The following ATPAF1 variants were observed in gnomAD, a reference collection of about 807,000 sequenced individuals.
The protein encoded by ATPAF1 is homolog of yeast ATP11.
In ATPAF1, 26 loss-of-function variants were observed where a neutral mutation model predicts 43.9. The observed-to-expected ratio is 0.59, with a 90% CI of 0.43 to 0.82. The LOEUF (loss-of-function observed/expected upper bound fraction) is 0.82, where lower values mean the gene tolerates loss of function less well. Among genes scored for constraint, ATPAF1 ranks in the 40% least tolerant of loss-of-function variants. The probability of loss-of-function intolerance (pLI) is 0.00; values close to 1 mark genes in which losing one functional copy is unlikely to be tolerated. For synonymous variants in ATPAF1, 157 were observed against 168.0 expected (o/e 0.93, Z 0.50); for missense variants, 366 against 435.0 (o/e 0.84, Z 1.41).
intron 8 of ATPAF1, among the ~76,000 whole-genome samples, chr1:46,641,478 C>G (rs192808282): frequency 2.0e-5 from 3 of 152,194 alleles, no homozygotes; most frequent in Admixed American, 6.5e-5. Context: ...GCTAATACCC[C>G]ATTCTCTCCT....
Position 46,668,052 on chromosome 1 carries a change from C to A in ATPAF1, c.266+5G>T. 1 of 1,399,322 alleles carries A rather than the reference C, an allele frequency of 7.1e-7. No individual in the cohort carries two copies. The allele number at this position is 1,399,322 out of a possible 1,614,324, so 86.7% of individuals were successfully genotyped here. On this transcript the variant is annotated splice_donor_5th_base_variant and intron_variant, in intron 1 of 8. Coordinates refer to ENST00000574428, the Ensembl canonical transcript of ATPAF1. This position sits in a 1 kb window ranked among gnomAD's most constrained non-coding sequence, Gnocchi z 4.4. ...TGCCCGCCTCCAGCCAACCCAGGCC[C>A]GCACCTGCGCAGCAGCTGGATCTTG...
At chr1:46,665,526 GA>G in intron 1 of ATPAF1, 162 bp from the exon 2 acceptor site, 1 of 1,213,562 alleles carries the variant, frequency 8.2e-7, no homozygotes, top group South Asian at 1.4e-5. Context: ...TAGAAATAAA[GA>G]AACTGGAAAA....
intron 2 of ATPAF1, among the ~76,000 whole-genome samples, chr1:46,663,170 T>C (rs1676425940): frequency 6.6e-6 from 1 of 152,248 alleles, no homozygotes; most frequent in African/African-American, 2.4e-5. Flanking sequence ...ATTTTCTTGA[T>C]TCAGTCTATC....
intron 1 of ATPAF1, chr1:46,665,832 T>C: frequency 1.4e-6 from 2 of 1,429,512 alleles, no homozygotes; most frequent in South Asian, 1.5e-5. Flanking sequence ...TTAGGTAGCC[T>C]ATTTTGCAGA....
chr1:46,635,712 G>A, exon 9 of ATPAF1: 2 of 1,470,102 alleles, frequency 1.4e-6, no homozygotes, highest in Non-Finnish European at 1.8e-6. Flanking sequence ...AGTTCCTGAG[G>A]AGGGGGTGGG....
chr1:46,637,517 C>T lies in ATPAF1; in HGVS notation c.793-1547G>A, dbSNP rs567178369. ...GTTCTAGTCGGTCAGAGGTACTTGT[C>T]CATTATCACCATGTTCATATAGCCA... is the stretch of plus-strand genomic sequence containing the variant. On this transcript the variant is annotated intron_variant, in intron 8 of 8. Transcript: ENST00000574428. Among the ~76,000 whole-genome samples, 3 of 152,290 alleles carry T rather than the reference C, an allele frequency of 2.0e-5. No individual in the cohort carries two copies. In the South Asian group the frequency reaches 6.2e-4, roughly 32 times the overall value.
In ATPAF1 at chr1:46,661,195, C is replaced by T. The variant is rs537833899; in HGVS notation, c.376-2458G>A. ...TCAAGCAATTCTCCTGCCTCAGCCT[C>T]CTGAGTAGCTGGGATTACAGGCATG... On this transcript the variant is annotated intron_variant, in intron 2 of 8. Transcript: ENST00000574428. Among the ~76,000 whole-genome samples, 16 of 152,134 alleles carry T rather than the reference C, an allele frequency of 1.1e-4. No individual in the cohort carries two copies. In the South Asian group the frequency reaches 3.3e-3, roughly 32 times the overall value.
intron 1 of ATPAF1, among the ~76,000 whole-genome samples, chr1:46,667,390 C>T (rs1173055152): frequency 6.6e-6 from 1 of 152,210 alleles, no homozygotes; most frequent in African/African-American, 2.4e-5. Flanking sequence ...TCTTCAGATG[C>T]TCCTATAGCC....
Position 46,658,685 on chromosome 1 carries a change from A to G in ATPAF1, c.426+2T>C, listed in dbSNP as rs1676325949. 1 of 1,597,062 alleles carries G rather than the reference A, an allele frequency of 6.3e-7. No individual in the cohort carries two copies. Among genetic ancestry groups the G allele is most frequent in the Non-Finnish European group, 8.5e-7 (1 of 1,171,960 alleles). ...TTTTCCTATATTTAATTAGAAACCT[A>G]CCTTGTCCTTAGTGAATCCTCTGTT... On this transcript the variant is annotated splice_donor_variant, in intron 3 of 8. Coordinates refer to ENST00000574428, the Ensembl canonical transcript of ATPAF1. LOFTEE classifies it high-confidence loss of function.
chr1:46,637,759 C>T (rs1675869302), intron 8 of ATPAF1, among the ~76,000 whole-genome samples: 1 of 152,178 alleles, frequency 6.6e-6, no homozygotes, highest in African/African-American at 2.4e-5. Flanking sequence ...AAAAAGCTGG[C>T]TACTTCAAAT....
intron 8 of ATPAF1, among the ~76,000 whole-genome samples, 175 bp downstream of exon 8, chr1:46,643,019 A>G (rs552479125): frequency 9.9e-5 from 15 of 152,260 alleles, no homozygotes; most frequent in Non-Finnish European, 1.5e-4. Flanking sequence ...GAGGATCTGT[A>G]CTAACTTCAA....
At chr1:46,649,788 TG>T (rs1461165919) in intron 6 of ATPAF1, among the ~76,000 whole-genome samples, 7 of 151,878 alleles carry the variant, frequency 4.6e-5, no homozygotes, top group Non-Finnish European at 1.0e-4. Flanking sequence ...TAGCTGAGCA[TG>T]GGGGTGCATG....
intron 4 of ATPAF1, among the ~76,000 whole-genome samples, chr1:46,654,232 C>T (rs1339415596): frequency 6.6e-6 from 1 of 152,092 alleles, no homozygotes; most frequent in Non-Finnish European, 1.5e-5. Context: ...AGAGTCAGGA[C>T]TAGAGCTCAG....
At chr1:46,646,019 T>TA (rs937069481) in intron 6 of ATPAF1, among the ~76,000 whole-genome samples, 8 of 151,878 alleles carry the variant, frequency 5.3e-5, no homozygotes, top group East Asian at 1.9e-4. Flanking sequence ...TACAAAAAAA[T>TA]AAAAAAAATA....
At chr1:46,648,078 A>G (rs1676076300) in intron 6 of ATPAF1, among the ~76,000 whole-genome samples, 1 of 152,176 alleles carries the variant, frequency 6.6e-6, no homozygotes, top group African/African-American at 2.4e-5. Context: ...TGGGTATGCA[A>G]ATAGAATGTT....
rs115386183 is a variant in ATPAF1, at chr1:46,644,072, A to G, written c.685-771T>C. ...TCTCATTTTTCTTGAACATACTTCT[A>G]ATGTTACACTGATCATTTTGGTCAT... On this transcript the variant is annotated intron_variant, in intron 7 of 8. Coordinates refer to ENST00000574428, the Ensembl canonical transcript of ATPAF1. 4.2e-3 allele frequency among the ~76,000 whole-genome samples: 640 copies of G among 152,308 alleles called. 1 individual carries two copies. Among genetic ancestry groups the G allele is most frequent in the African/African-American group, 0.014 (588 of 41,566 alleles).
chr1:46,650,363 GA>G (rs60817653), intron 6 of ATPAF1, among the ~76,000 whole-genome samples: 153 of 138,930 alleles, frequency 1.1e-3, no homozygotes, highest in Non-Finnish European at 1.2e-3. Flanking sequence ...ATCTCTAAAT[GA>G]AAAAAAAAAA....
At chr1:46,645,132 C>T in intron 7 of ATPAF1, 29 bp downstream of exon 7, 2 of 1,570,872 alleles carry the variant, frequency 1.3e-6, no homozygotes, top group Non-Finnish European at 8.8e-7. Context: ...AGTCCTCTTT[C>T]CTCTAGAGGA....
At chr1:46,636,052 C>G (rs879438434) in intron 8 of ATPAF1, 82 bp from the exon 9 acceptor site, 2 of 1,507,144 alleles carry the variant, frequency 1.3e-6, no homozygotes, top group Non-Finnish European at 1.8e-6. Context: ...GGGTGGGGGC[C>G]CTCGCCCAGG....
Sources: gnomAD v4.1 joint callset for allele counts (sites outside exome capture counted in the v4.1 genomes callset) on GRCh38, gnomAD v4.1.1 for gene constraint, Gnocchi (gnomAD v3.1) non-coding constraint, MANE v1.5 for transcripts, NCBI Gene and HGNC (gene_info 2026-07-23, HGNC 2026-07-21) for gene names.